The following ARHGEF26 variants were observed in gnomAD, a reference collection of about 807,000 sequenced individuals.
ARHGEF26 encodes Rho guanine nucleotide exchange factor (GEF) 26.
Under a neutral mutation model 89.4 loss-of-function variants are expected in ARHGEF26, and 59 were observed. The observed-to-expected ratio is 0.66, with a 90% confidence interval of 0.54 to 0.82. ARHGEF26 has a LOEUF of 0.82. ARHGEF26 is among the 40% of genes least tolerant of loss of function. The probability of loss-of-function intolerance (pLI) is 0.00; values close to 1 mark genes in which losing one functional copy is unlikely to be tolerated. For synonymous variants in ARHGEF26, 500 were observed against 428.4 expected (o/e 1.17, Z -2.06); for missense variants, 1,234 against 1,085.6 (o/e 1.14, Z -1.92).
In ARHGEF26 at chr3:154,256,872, CAG is replaced by C; in HGVS notation, c.*1407_*1408del. The stretch of plus-strand genomic sequence containing the variant: ...GAACTTTACTTTTTCCACTAGTGCA[CAG>C]AGAGAGAAAGGTTATCTTAATAGTC... On this transcript the variant is annotated 3_prime_UTR_variant, in exon 15 of 15. Coordinates refer to ENST00000465093, the MANE Select transcript of ARHGEF26 (RefSeq NM_015595.4). 4.6e-6 allele frequency: 7 copies of C among 1,534,316 alleles called. No homozygotes were observed. Among genetic ancestry groups the C allele is most frequent in the Admixed American group, 2.0e-5 (1 of 50,876 alleles).
intron 12 of ARHGEF26, among the ~76,000 whole-genome samples, chr3:154,251,514 T>C (rs1423917888): frequency 6.6e-6 from 1 of 152,214 alleles, no homozygotes; most frequent in Non-Finnish European, 1.5e-5. Flanking sequence ...GTAGAGATAA[T>C]GCAGTGAACC....
Position 154,122,828 on chromosome 3 carries a change from G to A in ARHGEF26, c.836G>A (p.Arg279His), listed in dbSNP as rs575256445. The A allele has an allele frequency of 2.0e-5, 33 of 1,612,670 alleles. 1 individual carries two copies. The South Asian group carries it at 3.3e-4, about 16-fold the overall frequency. Residue 279 changes from arginine (R) to histidine (H), a missense_variant, in exon 2 of 15, where the codon CGC (arginine) becomes CAC (histidine). Transcript: ENST00000465093. ...CCCCACAAGAGACTCCTCAAGGTGC[G>A]CAGCATGGTGGAGGGCCTAGGAGGA... ...VEPHKRLLKV[R>H]SMVEGLGGPL...
chr3:154,241,119 G>A (rs969274090), intron 12 of ARHGEF26, among the ~76,000 whole-genome samples: 1 of 152,220 alleles, frequency 6.6e-6, no homozygotes, highest in Non-Finnish European at 1.5e-5. Context: ...GGTGCCTGCA[G>A]TTTCGCCAGC....
intron 4 of ARHGEF26, among the ~76,000 whole-genome samples, chr3:154,131,232 T>A (rs989131196): frequency 2.0e-5 from 3 of 152,154 alleles, no homozygotes; most frequent in Middle Eastern, 3.2e-3. Context: ...AGCTACTACT[T>A]AGCTCAAACC....
rs756694066 is a variant in ARHGEF26, at chr3:154,222,981, GA to G, written c.1936-2871del. ...AGCTGGTCACTAAACCAAGAAGATC[GA>G]AAACCAGAGATTAGTTTGTGTCTCA... is the stretch of plus-strand genomic sequence containing the variant. On this transcript the variant is annotated intron_variant, in intron 10 of 14. Transcript: ENST00000465093. Among the ~76,000 whole-genome samples the G allele has an allele frequency of 4.6e-5, 7 of 152,176 alleles. No individual in the cohort carries two copies. The East Asian group carries it at 5.8e-4, about 13-fold the overall frequency.
chr3:154,170,947 A>G (rs1166053589), intron 6 of ARHGEF26, among the ~76,000 whole-genome samples: 1 of 152,144 alleles, frequency 6.6e-6, no homozygotes, highest in African/African-American at 2.4e-5. Context: ...GGGACGATTG[A>G]TTTCTTTTTC....
At chr3:154,165,398 A>G (rs956792520) in intron 6 of ARHGEF26, among the ~76,000 whole-genome samples, 1 of 152,164 alleles carries the variant, frequency 6.6e-6, no homozygotes. Context: ...TCTGTTACTT[A>G]TGGAGTACCT....
intron 6 of ARHGEF26, among the ~76,000 whole-genome samples, chr3:154,166,736 C>T (rs567416047): frequency 6.6e-6 from 1 of 152,240 alleles, no homozygotes; most frequent in African/African-American, 2.4e-5. Context: ...GCTTATCCAT[C>T]TGGAGGAGGC....
intron 4 of ARHGEF26, among the ~76,000 whole-genome samples, chr3:154,143,088 G>A (rs1719481367): frequency 6.6e-6 from 1 of 152,260 alleles, no homozygotes; most frequent in South Asian, 2.1e-4. Flanking sequence ...TTTTTTGGGA[G>A]AGGATGTTGA....
rs765065927 is a variant in ARHGEF26 at position 154,149,370 on chromosome 3, A to G, written c.1270-19A>G. On this transcript the variant is annotated intron_variant, in intron 4 of 14. Coordinates refer to ENST00000465093, the MANE Select transcript of ARHGEF26 (RefSeq NM_015595.4). Reference sequence around the variant, plus strand: ...AAGTATTAATAAATGAGTCAACTCTACTTTGCTTTTTCTCCTAGGTGAAAA... The same window carrying G: ...AAGTATTAATAAATGAGTCAACTCTGCTTTGCTTTTTCTCCTAGGTGAAAA... 6 of 1,592,108 alleles carry G rather than the reference A, an allele frequency of 3.8e-6. No individual in the cohort carries two copies. The highest frequency in any genetic ancestry group is 5.1e-6 in the Non-Finnish European group (6 of 1,167,778).
chr3:154,246,089 G>A (rs137933381), intron 12 of ARHGEF26, among the ~76,000 whole-genome samples: 3 of 152,304 alleles, frequency 2.0e-5, no homozygotes, highest in African/African-American at 7.2e-5. Context: ...CCCTAAAGCT[G>A]GTGATGTGAT....
intron 11 of ARHGEF26, among the ~76,000 whole-genome samples, chr3:154,230,216 C>T (rs2108267506): frequency 6.6e-6 from 1 of 152,234 alleles, no homozygotes; most frequent in South Asian, 2.1e-4. Context: ...CAAAGTGCCA[C>T]AAACAAAGTG....
intron 6 of ARHGEF26, among the ~76,000 whole-genome samples, chr3:154,156,428 G>GA (rs1720344675): frequency 1.3e-5 from 2 of 151,878 alleles, no homozygotes; most frequent in Non-Finnish European, 2.9e-5. Flanking sequence ...TCCATTAAAA[G>GA]AAAAACAAAG....
At chr3:154,242,639 T>C (rs540798371) in intron 12 of ARHGEF26, among the ~76,000 whole-genome samples, 12 of 152,320 alleles carry the variant, frequency 7.9e-5, no homozygotes, top group African/African-American at 2.2e-4. Context: ...TTTGAGACGA[T>C]TGACTCCAAT....
intron 5 of ARHGEF26, among the ~76,000 whole-genome samples, chr3:154,151,436 G>A (rs970776970): frequency 2.0e-5 from 3 of 152,178 alleles, no homozygotes; most frequent in African/African-American, 7.2e-5. Context: ...AATATTTTAA[G>A]TAATTCCAAG....
In ARHGEF26 at chr3:154,191,798, A is replaced by G. The variant is rs75034619; in HGVS notation, c.1770+380A>G. ...AAGATTCCTCAGACTGATCACTGAG[A>G]TCCCTTCATCTATAATGTTCCAAGG... On this transcript the variant is annotated intron_variant, in intron 8 of 14. Coordinates refer to ENST00000465093, the MANE Select transcript of ARHGEF26 (RefSeq NM_015595.4). Among the ~76,000 whole-genome samples the G allele has an allele frequency of 7.1e-4, 108 of 152,282 alleles. 2 individuals carry two copies. The East Asian group carries it at 0.017, about 23-fold the overall frequency.
At chr3:154,216,492 A>ATTTTTTTTT (rs1428596973) in intron 9 of ARHGEF26, among the ~76,000 whole-genome samples, 1 of 129,008 alleles carries the variant, frequency 7.8e-6, no homozygotes, top group African/African-American at 2.9e-5. Flanking sequence ...TTTTTTTTTT[A>ATTTTTTTTT]TTTTTTTTTA....
At chr3:154,187,232 C>T (rs2108176406) in intron 6 of ARHGEF26, 1 of 983,722 alleles carries the variant, frequency 1.0e-6, no homozygotes, top group East Asian at 1.1e-4. Context: ...GTGTTTTGCT[C>T]ATGTATTTTT....
chr3:154,256,905 C>G lies in ARHGEF26; in HGVS notation c.*1432C>G. 6.5e-7 allele frequency: 1 copy of G among 1,534,972 alleles called. No homozygotes were observed. The highest frequency in any genetic ancestry group is 8.7e-7 in the Non-Finnish European group (1 of 1,146,572). On this transcript the variant is annotated 3_prime_UTR_variant, in exon 15 of 15. Coordinates refer to ENST00000465093, the MANE Select transcript of ARHGEF26 (RefSeq NM_015595.4). Reference sequence around the variant, plus strand: ...GAAAGGTTATCTTAATAGTCGGTTTCATGGAGATGAAGGATGGGAGATTAA... The same window carrying G: ...GAAAGGTTATCTTAATAGTCGGTTTGATGGAGATGAAGGATGGGAGATTAA...
Sources: gnomAD v4.1 joint callset for allele counts (sites outside exome capture counted in the v4.1 genomes callset) on GRCh38, gnomAD v4.1.1 for gene constraint, MANE v1.5 for transcripts, NCBI Gene and HGNC (gene_info 2026-07-23, HGNC 2026-07-21) for gene names.